SH3RF2: variants seen among roughly 807,000 people sequenced by gnomAD.
SH3RF2 encodes E3 ubiquitin-protein ligase SH3RF2.
A neutral mutation model predicts 59.0 loss-of-function variants in SH3RF2; 43 were observed. The observed-to-expected ratio is 0.73, with a 90% CI of 0.57 to 0.94. The LOEUF is 0.94. SH3RF2 is among the 40% of genes least tolerant of loss of function. The pLI, the probability that SH3RF2 is intolerant of heterozygous loss-of-function variation, is 0.00. For synonymous variants in SH3RF2, 391 were observed against 391.5 expected (o/e 1.00, Z 0.01); for missense variants, 930 against 940.1 (o/e 0.99, Z 0.14).
chr5:145,973,481 T>G (rs1333826101), intron 2 of SH3RF2, among the ~76,000 whole-genome samples: 1 of 152,232 alleles, frequency 6.6e-6, no homozygotes, highest in East Asian at 1.9e-4. Flanking sequence ...TTCTGAGTCA[T>G]TTATGCAGTG....
At position 146,013,755 on chromosome 5, in the gene SH3RF2, C is replaced by T. The variant is rs1442613025; in HGVS notation, c.753C>T (p.Leu251=). The change falls in exon 5 of 10, where the codon CTC becomes CTT. Residue 251 remains leucine, a synonymous_variant. Coordinates refer to ENST00000359120, the MANE Select transcript of SH3RF2 (RefSeq NM_152550.4). ...ACCTTTTGTCTTTTCAGCCAAACCT[C>T]ACCGCAAGACACCTTTTAGAGAAGA... is the stretch of plus-strand genomic sequence containing the variant. The part of the protein sequence containing the change: ...IFPILFVEPN[L]TARHLLEKNK... 6 of 1,613,778 alleles carry T rather than the reference C, an allele frequency of 3.7e-6. No homozygotes were observed. In the South Asian group the frequency reaches 6.6e-5, roughly 18 times the overall value.
In SH3RF2 at chr5:146,051,160, G is replaced by C. The variant is rs1420640255; in HGVS notation, c.1322+1915G>C. Among the ~76,000 whole-genome samples the C allele has an allele frequency of 2.6e-5, 4 of 152,268 alleles. No homozygotes were observed. The East Asian group carries it at 7.7e-4, about 29-fold the overall frequency. ...TGGGGCAGGAGAATCGCTTCAACTG[G>C]GAGGGCAGAGGTTACATGAAGCCAA... On this transcript the variant is annotated intron_variant, in intron 7 of 9. Coordinates refer to ENST00000359120, the MANE Select transcript of SH3RF2 (RefSeq NM_152550.4).
chr5:146,048,005 AAAT>A, intron 6 of SH3RF2, 142 bp downstream of exon 6: 1 of 789,044 alleles, frequency 1.3e-6, no homozygotes. Context: ...CTTCCAAGTG[AAAT>A]AATGGTGAAA....
chr5:145,983,590 T>A (rs779025792), intron 2 of SH3RF2, among the ~76,000 whole-genome samples: 13 of 152,180 alleles, frequency 8.5e-5, no homozygotes, highest in Non-Finnish European at 1.9e-4. Flanking sequence ...CAACAGCTGC[T>A]GAGAGCTGCT....
chr5:146,000,210 C>T lies in SH3RF2; in HGVS notation c.531C>T (p.Ser177=), dbSNP rs192447564. 2.3e-5 allele frequency: 37 copies of T among 1,613,566 alleles called. No individual in the cohort carries two copies. In the Admixed American group the frequency reaches 6.2e-4, roughly 27 times the overall value. The change falls in exon 3 of 10, where the codon AGC becomes AGT. Residue 177 remains serine (S), a synonymous_variant. Transcript: ENST00000359120. ...INGISGNFPA[S]SVEVIKQLPQ... is the part of the protein sequence containing the mutation. ...GCATCAGCGGGAACTTCCCAGCCAGCTCCGTGGAAGTCATCAAGCAGCTGC... is the reference window on the plus strand; with the variant it reads ...GCATCAGCGGGAACTTCCCAGCCAGTTCCGTGGAAGTCATCAAGCAGCTGC...
At chr5:146,022,808 G>A (rs748309674) in intron 5 of SH3RF2, among the ~76,000 whole-genome samples, 11 of 151,500 alleles carry the variant, frequency 7.3e-5, no homozygotes, top group Non-Finnish European at 1.5e-4. Flanking sequence ...GGAGGCAGAG[G>A]TTGCAGTGAG....
chr5:146,019,335 C>G (rs1761222750), intron 5 of SH3RF2, among the ~76,000 whole-genome samples: 1 of 152,120 alleles, frequency 6.6e-6, no homozygotes, highest in African/African-American at 2.4e-5. Context: ...TGTGGCTATT[C>G]AGTTTTCCCA....
At chr5:145,976,401 T>A (rs1048258870) in intron 2 of SH3RF2, among the ~76,000 whole-genome samples, 1 of 150,242 alleles carries the variant, frequency 6.7e-6, no homozygotes, top group Non-Finnish European at 1.5e-5. Context: ...CAATAAATGA[T>A]GACTTTTATT....
intron 2 of SH3RF2, among the ~76,000 whole-genome samples, chr5:145,962,889 T>C (rs1247787766): frequency 2.4e-5 from 2 of 82,540 alleles, no homozygotes; most frequent in African/African-American, 8.4e-5. Flanking sequence ...ATTATTCCAC[T>C]TTTTTTTTTT....
At chr5:146,011,165 C>T (rs974470814) in intron 4 of SH3RF2, among the ~76,000 whole-genome samples, 4 of 152,040 alleles carry the variant, frequency 2.6e-5, no homozygotes, top group South Asian at 2.1e-4. Context: ...ATTTTTGTCG[C>T]GTTTGTCAAA....
chr5:145,966,472 C>T (rs1266263211), intron 2 of SH3RF2, among the ~76,000 whole-genome samples: 5 of 148,598 alleles, frequency 3.4e-5, no homozygotes, highest in East Asian at 1.9e-4. Context: ...AATAAATGTT[C>T]GCTATTGTTG....
intron 2 of SH3RF2, among the ~76,000 whole-genome samples, chr5:145,958,593 G>A (rs1243102344): frequency 6.6e-6 from 1 of 152,172 alleles, no homozygotes; most frequent in African/African-American, 2.4e-5. Context: ...GATTTAAAGG[G>A]CCATAAAACA....
intron 2 of SH3RF2, among the ~76,000 whole-genome samples, chr5:145,951,502 C>T (rs558700057): frequency 9.8e-5 from 15 of 152,308 alleles, no homozygotes; most frequent in African/African-American, 3.4e-4. Context: ...TCTAAAATCT[C>T]GCATCTGCAA....
chr5:146,061,447 T>G (rs1300691601), intron 9 of SH3RF2, among the ~76,000 whole-genome samples: 1 of 152,198 alleles, frequency 6.6e-6, no homozygotes, highest in East Asian at 1.9e-4. Flanking sequence ...TGCCCATTAC[T>G]CCAAGCTTTT....
chr5:145,996,193 C>A (rs143306266), intron 2 of SH3RF2, among the ~76,000 whole-genome samples: 1 of 152,166 alleles, frequency 6.6e-6, no homozygotes, highest in Non-Finnish European at 1.5e-5. Context: ...ATGATCATTG[C>A]GGATTCAGGA....
At chr5:145,942,654 G>T (rs552189173) in intron 2 of SH3RF2, among the ~76,000 whole-genome samples, 29 of 152,172 alleles carry the variant, frequency 1.9e-4, no homozygotes, top group Non-Finnish European at 3.1e-4. Flanking sequence ...CAGCAGATAG[G>T]TGCCATCTGG....
At chr5:146,003,049 G>A (rs1760491794) in intron 3 of SH3RF2, among the ~76,000 whole-genome samples, 1 of 152,164 alleles carries the variant, frequency 6.6e-6, no homozygotes, top group Non-Finnish European at 1.5e-5. Flanking sequence ...TAATTCCTGA[G>A]GAGCATGGAA....
At chr5:146,042,352 T>A (rs1762158321) in intron 5 of SH3RF2, among the ~76,000 whole-genome samples, 1 of 152,162 alleles carries the variant, frequency 6.6e-6, no homozygotes, top group Non-Finnish European at 1.5e-5. Context: ...TCTTTGCAGA[T>A]CAAAATAAGT....
downstream of SH3RF2, among the ~76,000 whole-genome samples, chr5:146,063,916 G>T (rs1361000027): frequency 6.6e-6 from 1 of 152,078 alleles, no homozygotes; most frequent in African/African-American, 2.4e-5. Flanking sequence ...CTTTATATGG[G>T]GTTGGGGTTA....
Sources: allele counts gnomAD v4.1 joint callset (sites outside exome capture counted in the v4.1 genomes callset), GRCh38; gene constraint gnomAD v4.1.1; transcripts MANE v1.5; gene names NCBI Gene and HGNC (gene_info 2026-07-23, HGNC 2026-07-21).